Variants in KLHDC2 observed in about 807,000 individuals in gnomAD.
KLHDC2 encodes the protein kelch domain-containing protein 2.
Under a neutral mutation model 62.3 loss-of-function variants are expected in KLHDC2, and 38 were observed. The ratio of observed to expected loss-of-function variants is 0.61; its 90% CI spans 0.47 to 0.80. The LOEUF (loss-of-function observed/expected upper bound fraction) is 0.80. Ranked by LOEUF, KLHDC2 falls within the 30% of genes least tolerant of loss-of-function variation. The probability of loss-of-function intolerance (pLI) is 0.00; values close to 1 mark genes in which losing one functional copy is unlikely to be tolerated. For missense variants in KLHDC2, 430 were observed against 495.3 expected, an observed-to-expected ratio of 0.87 and a Z score of 1.25; for synonymous variants, 159 against 161.0, an observed-to-expected ratio of 0.99 and a Z score of 0.09.
In KLHDC2 at chr14:49,780,579, A is replaced by G. The variant is rs868606432; in HGVS notation, c.884-124A>G. ...TACTTGGCTAATTGCAGGGGGGGGAAAAAAAAGAAAATATACTCTCTGTAT... is the reference window on the plus strand; with the variant it reads ...TACTTGGCTAATTGCAGGGGGGGGAGAAAAAAGAAAATATACTCTCTGTAT... On this transcript the variant is annotated intron_variant, in intron 9 of 12. Coordinates refer to ENST00000298307, the MANE Select transcript of KLHDC2 (RefSeq NM_014315.3). 2.2e-4 allele frequency: 167 copies of G among 762,160 alleles called. 1 individual carries two copies. The highest frequency in any genetic ancestry group is 5.3e-4 in the South Asian group (34 of 63,912). 47.2% of individuals were successfully genotyped at this position (762,160 alleles called of 1,614,324 possible). A position where few individuals can be genotyped will look rare whatever the true frequency, so the allele number is the denominator to read the frequency against.
chr14:49,768,656 C>T lies in KLHDC2; in HGVS notation c.153+35C>T, dbSNP rs200700340. 21 of 1,540,994 alleles carry T rather than the reference C, an allele frequency of 1.4e-5. No homozygotes were observed. The East Asian group carries it at 4.0e-4, about 29-fold the overall frequency. On this transcript the variant is annotated intron_variant, in intron 1 of 12. Transcript: ENST00000298307. ...TGGCCGGGCCGCGACGGACGTCGCT[C>T]GGCTGTGACTCGGGTCTGCGTTCGC...
At chr14:49,778,561 G>GGGGA in intron 6 of KLHDC2, 67 bp downstream of exon 6, 1 of 297,528 alleles carries the variant, frequency 3.4e-6, no homozygotes. Flanking sequence ...TGGGGTAGGG[G>GGGGA]AGAGGGGTGC....
At chr14:49,780,440 A>G (rs753564476) in intron 9 of KLHDC2, 118 bp downstream of exon 9, 33 of 728,678 alleles carry the variant, frequency 4.5e-5, no homozygotes, top group Non-Finnish European at 7.6e-5. Flanking sequence ...AAGGTTTGAA[A>G]TTAATTTTGA....
intron 8 of KLHDC2, 23 bp downstream of exon 8, chr14:49,779,829 T>C: frequency 6.4e-7 from 1 of 1,573,924 alleles, no homozygotes; most frequent in Admixed American, 1.7e-5. Context: ...TTAGATACAT[T>C]TTTCCAAAAT....
Position 49,784,830 on chromosome 14 carries a change from A to G in KLHDC2, c.*1877A>G. On this transcript the variant is annotated 3_prime_UTR_variant, in exon 13 of 13. Coordinates refer to ENST00000298307, the MANE Select transcript of KLHDC2 (RefSeq NM_014315.3). ...AGCTGAGATGGTTTTACTGCTTCTA[A>G]TAAGACAGCATTTTCTACTAAAATA... 2 of 1,400,664 alleles carry G rather than the reference A, an allele frequency of 1.4e-6. No homozygotes were observed. The highest frequency in any genetic ancestry group is 2.3e-5 in the East Asian group (1 of 43,720). The allele number at this position is 1,400,664 out of a possible 1,614,324, so 86.8% of individuals were successfully genotyped here.
chr14:49,780,615 TCTATTAC>T, intron 9 of KLHDC2, 81 bp from the exon 10 acceptor site: 1 of 908,614 alleles, frequency 1.1e-6, no homozygotes, highest in Non-Finnish European at 1.9e-6. Flanking sequence ...CTGCTCATGA[TCTATTAC>T]CTTTCTTGCC....
intron 8 of KLHDC2, 105 bp from the exon 9 acceptor site, chr14:49,780,108 A>C: frequency 1.3e-6 from 1 of 746,154 alleles, no homozygotes; most frequent in South Asian, 1.7e-5. Flanking sequence ...TTTTAAACTT[A>C]AGGTCTCTTT....
At position 49,779,682 on chromosome 14, in the gene KLHDC2, A is replaced by G. The variant is rs1889847204; in HGVS notation, c.714+7A>G. 1 of 1,613,520 alleles carries G rather than the reference A, an allele frequency of 6.2e-7. No individual in the cohort carries two copies. Among genetic ancestry groups the G allele is most frequent in the Non-Finnish European group, 8.5e-7 (1 of 1,179,414 alleles). On this transcript the variant is annotated splice_region_variant and intron_variant, in intron 7 of 12. Transcript: ENST00000298307. ...GTTTGGAGGCAGATATCGAGTAAGT[A>G]TTCAAACGACTTCAATGACTTGCTT...
chr14:49,778,537 GC>G, intron 6 of KLHDC2, 43 bp downstream of exon 6: 1 of 636,092 alleles, frequency 1.6e-6, no homozygotes, highest in South Asian at 1.7e-5. Flanking sequence ...ATACTTAGAG[GC>G]AGTGGGGAGG....
In KLHDC2 at chr14:49,783,587, C is replaced by T. The variant is rs905575870; in HGVS notation, c.*634C>T. 11 of 151,976 alleles carry T rather than the reference C, an allele frequency of 7.2e-5. No homozygotes were observed. Among genetic ancestry groups the T allele is most frequent in the Non-Finnish European group, 1.5e-4 (10 of 68,004 alleles). 9.4% of individuals were successfully genotyped at this position (151,976 alleles called of 1,614,324 possible). On this transcript the variant is annotated 3_prime_UTR_variant, in exon 13 of 13. Transcript: ENST00000298307. Reference sequence around the variant, plus strand: ...CATGAAGGAATGGAAATAATGATGACATCATTTTCCATTCTGTTAAGAGAC... The same window carrying T: ...CATGAAGGAATGGAAATAATGATGATATCATTTTCCATTCTGTTAAGAGAC...
At chr14:49,781,369 C>A (rs867986995) in intron 10 of KLHDC2, among the ~76,000 whole-genome samples, 6 of 124,668 alleles carry the variant, frequency 4.8e-5, no homozygotes, top group African/African-American at 1.5e-4. Flanking sequence ...AACTCTGTCT[C>A]AAAAAAAAAA....
rs1187965052 is a variant in KLHDC2 at position 49,768,600 on chromosome 14, G to T, written c.132G>T (p.Met44Ile). Residue 44 changes from methionine to isoleucine, a missense_variant, in exon 1 of 13, where the codon ATG becomes ATT. Transcript: ENST00000298307. ...TAGCCGTCAGCGACGGGCGCCACAT[G>T]TTCGTCTGGGGCGGCTACAAGGTCA... The part of the protein sequence containing the change: ...GHVAVSDGRH[M>I]FVWGGYKSNQ... 3.1e-6 allele frequency: 5 copies of T among 1,599,674 alleles called. No individual in the cohort carries two copies. Among genetic ancestry groups the T allele is most frequent in the East Asian group, 2.3e-5 (1 of 43,856 alleles).
intron 3 of KLHDC2, 124 bp from the exon 4 acceptor site, chr14:49,777,715 G>C: frequency 1.8e-6 from 1 of 569,916 alleles, no homozygotes; most frequent in Non-Finnish European, 3.1e-6. Flanking sequence ...CAGCCAGTCT[G>C]CAGTCACAAT....
intron 10 of KLHDC2, 92 bp downstream of exon 10, chr14:49,780,867 T>C: frequency 4.0e-6 from 3 of 757,304 alleles, no homozygotes; most frequent in East Asian, 2.5e-5. Flanking sequence ...TTTATAAAAA[T>C]CTCAGCATTC....
intron 8 of KLHDC2, 198 bp downstream of exon 8, chr14:49,780,004 G>A (rs571320304): frequency 3.3e-6 from 2 of 615,208 alleles, no homozygotes; most frequent in African/African-American, 1.9e-5. Context: ...CATAGCATGT[G>A]CTCAGTGTTT....
In KLHDC2 at chr14:49,783,462, T is replaced by C. The variant is rs1364036702; in HGVS notation, c.*509T>C. 1 of 152,194 alleles carries C rather than the reference T, an allele frequency of 6.6e-6. No individual in the cohort carries two copies. The highest frequency in any genetic ancestry group is 1.5e-5 in the Non-Finnish European group (1 of 68,048). The allele number at this position is 152,194 out of a possible 1,614,324, so 9.4% of individuals were successfully genotyped here. On this transcript the variant is annotated 3_prime_UTR_variant, in exon 13 of 13. Coordinates refer to ENST00000298307, the MANE Select transcript of KLHDC2 (RefSeq NM_014315.3). ...CAACTGTTCAGTACTTTGACCTTAA[T>C]GCTTCAGTGTAGGGGCTGGAGCAAG... is the stretch of plus-strand genomic sequence containing the variant.
rs77449098 is a variant in KLHDC2, at chr14:49,784,750, G to A, written c.*1797G>A. ...AAATTGCTGAATATCTTCACATCCT[G>A]TATGGTCAATCATGTTTCTTTTATG... On this transcript the variant is annotated 3_prime_UTR_variant, in exon 13 of 13. Coordinates refer to ENST00000298307, the MANE Select transcript of KLHDC2 (RefSeq NM_014315.3). 75 of 1,541,564 alleles carry A rather than the reference G, an allele frequency of 4.9e-5. No individual in the cohort carries two copies. In the East Asian group the frequency reaches 7.4e-4, roughly 15 times the overall value.
At chr14:49,780,495 C>G (rs1046667424) in intron 9 of KLHDC2, 173 bp downstream of exon 9, 3 of 636,356 alleles carry the variant, frequency 4.7e-6, no homozygotes, top group Admixed American at 2.8e-5. Context: ...TACTTCTGTT[C>G]AATAAAGAAC....
Position 49,780,744 on chromosome 14 carries a change from C to CCG in KLHDC2, c.925_926insCG (p.Gln309ProfsTer25). The CCG allele has an allele frequency of 1.2e-6, 2 of 1,606,254 alleles. No individual in the cohort carries two copies. Reference sequence around the variant, plus strand: ...CTGCATCAGTAAAAATGAATGGATACAATTTAATCATCCATATACCGAAAA... The same window carrying CCG: ...CTGCATCAGTAAAAATGAATGGATACCGAATTTAATCATCCATATACCGAAAA... On this transcript the variant is annotated frameshift_variant, in exon 10 of 13. Coordinates refer to ENST00000298307, the MANE Select transcript of KLHDC2 (RefSeq NM_014315.3). LOFTEE classifies it high-confidence loss of function.
Sources: allele counts gnomAD v4.1 joint callset (sites outside exome capture counted in the v4.1 genomes callset), GRCh38; gene constraint gnomAD v4.1.1; transcripts MANE v1.5; gene names NCBI Gene and HGNC (gene_info 2026-07-23, HGNC 2026-07-21).